The following HPS5 variants were observed in gnomAD, a reference collection of about 807,000 sequenced individuals.
HPS5 encodes the protein HPS5 biogenesis of lysosomal organelles complex 2 subunit 2.
Under a neutral mutation model 128.0 loss-of-function variants are expected in HPS5, and 83 were observed. That is an observed-to-expected ratio of 0.65 (90% CI 0.54 to 0.78). The LOEUF is 0.78. Ranked by LOEUF, HPS5 falls within the 30% of genes least tolerant of loss-of-function variation. HPS5 has a pLI of 0.00. For missense variants in HPS5, 1,281 were observed against 1,326.2 expected (o/e 0.97, Z 0.53); for synonymous variants, 475 against 470.2 (o/e 1.01, Z -0.13).
intron 2 of HPS5, among the ~76,000 whole-genome samples, chr11:18,317,486 C>T (rs1016059065): frequency 6.6e-6 from 1 of 152,044 alleles, no homozygotes; most frequent in Non-Finnish European, 1.5e-5. Flanking sequence ...GAACTCCTTG[C>T]CTCAAGTGAT....
At chr11:18,286,900 G>T in intron 18 of HPS5, 190 bp from the exon 19 acceptor site, 1 of 616,336 alleles carries the variant, frequency 1.6e-6, no homozygotes, top group Non-Finnish European at 2.7e-6. Context: ...AATGTCAAAG[G>T]GCCAAAAAAG....
chr11:18,315,695 C>G (rs1475942034), intron 2 of HPS5, among the ~76,000 whole-genome samples: 1 of 152,012 alleles, frequency 6.6e-6, no homozygotes, highest in African/African-American at 2.4e-5. Context: ...AACCCTTTCC[C>G]TAAGGATCTC....
intron 2 of HPS5, among the ~76,000 whole-genome samples, chr11:18,314,137 G>A (rs10832918): frequency 0.59 from 89,245 of 151,942 alleles, 26,531 homozygotes; most frequent in East Asian, 0.85. Flanking sequence ...ACTGCCTGAC[G>A]CCAGTTCAAG....
In HPS5 at chr11:18,291,555, T is replaced by C. The variant is rs200566461; in HGVS notation, c.2327A>G (p.Gln776Arg). The change falls in exon 16 of 23, where the codon CAG (glutamine) becomes CGG (arginine). Residue 776 changes from glutamine (Q) to arginine (R), a missense_variant. Gln to Arg is a conservative substitution (Grantham distance 43, BLOSUM62 1). Coordinates refer to ENST00000349215, the MANE Select transcript of HPS5 (RefSeq NM_181507.2). The part of the protein sequence containing the change: ...QQYSPEILAC[Q>R]FLKKYFFLLN... ...GAGAAAAAAGTACTTCTTCAGGAAC[T>C]GGCAAGCCAGAATTTCAGGAGAGTA... 4 of 1,611,206 alleles carry C rather than the reference T, an allele frequency of 2.5e-6. No homozygotes were observed. The Admixed American group carries it at 5.0e-5, about 20-fold the overall frequency.
At chr11:18,281,903 C>T (rs1859019961) in intron 22 of HPS5, 47 bp downstream of exon 22, 1 of 1,611,866 alleles carries the variant, frequency 6.2e-7, no homozygotes, top group Non-Finnish European at 8.5e-7. Context: ...CTGTGGCCTT[C>T]TACCTTCTCC....
At position 18,296,821 on chromosome 11, in the gene HPS5, C is replaced by G. The variant is rs1861128166; in HGVS notation, c.1487G>C (p.Cys496Ser). 6.2e-7 allele frequency: 1 copy of G among 1,614,038 alleles called. No individual in the cohort carries two copies. Among genetic ancestry groups the G allele is most frequent in the African/African-American group, 1.3e-5 (1 of 74,928 alleles). The change falls in exon 12 of 23, where the codon TGT becomes TCT. Residue 496 changes from cysteine (C) to serine (S), a missense_variant. By Grantham distance (112) the Cys-to-Ser change is moderately radical (BLOSUM62 -1). Transcript: ENST00000349215. ...ACCTTCATTTCCGTGTGAGCCACAA[C>G]ACTGATCTGGCAGGTCCTCTTCCTG... ...SQQEEDLPDQ[C>S]CGSHGNEDNV...
chr11:18,307,749 CA>C (rs982176691), intron 6 of HPS5, among the ~76,000 whole-genome samples: 3 of 149,158 alleles, frequency 2.0e-5, no homozygotes, highest in Non-Finnish European at 3.0e-5. Flanking sequence ...AACAAAGAAA[CA>C]AAAAAAACCA....
At chr11:18,305,389 T>TC (rs771161257) in intron 8 of HPS5, 33 bp downstream of exon 8, 103 of 1,372,324 alleles carry the variant, frequency 7.5e-5, no homozygotes, top group South Asian at 1.1e-4. Context: ...GTATTCTTTT[T>TC]CCCCCCCAGA....
chr11:18,291,601 C>T lies in HPS5; in HGVS notation c.2281G>A (p.Val761Met). 6.2e-7 allele frequency: 1 copy of T among 1,614,034 alleles called. No homozygotes were observed. Among genetic ancestry groups the T allele is most frequent in the Non-Finnish European group, 8.5e-7 (1 of 1,179,894 alleles). ...GAGTACTGTTGCAAAGTGTGGTCCACATGTCCACTGGTGCTTTTGATCTTA... is the reference window on the plus strand; with the variant it reads ...GAGTACTGTTGCAAAGTGTGGTCCATATGTCCACTGGTGCTTTTGATCTTA... ...NSKIKSTSGH[V>M]DHTLQQYSPE... The change falls in exon 16 of 23, where the codon GTG (valine) becomes ATG (methionine). Residue 761 changes from valine to methionine, a missense_variant. Transcript: ENST00000349215.
intron 1 of HPS5, among the ~76,000 whole-genome samples, chr11:18,318,919 A>G (rs1403357266): frequency 6.6e-6 from 1 of 152,114 alleles, no homozygotes; most frequent in Non-Finnish European, 1.5e-5. Context: ...TAACCCTCAT[A>G]GAGCATACTT....
At chr11:18,281,503 G>A (rs1051646645) in intron 22 of HPS5, among the ~76,000 whole-genome samples, 11 of 151,454 alleles carry the variant, frequency 7.3e-5, no homozygotes, top group African/African-American at 1.5e-4. Flanking sequence ...GAGTTCAAGC[G>A]ATTCTCCTGC....
chr11:18,295,198 T>C (rs370402431), intron 13 of HPS5, 29 bp from the exon 14 acceptor site: 55 of 1,604,768 alleles, frequency 3.4e-5, no homozygotes, highest in Non-Finnish European at 4.1e-5. Context: ...AAAACTAACA[T>C]GAATAAAAAC....
chr11:18,298,889 G>T lies in HPS5; in HGVS notation c.1067C>A (p.Ser356Tyr), dbSNP rs371346921. The T allele has an allele frequency of 5.2e-5, 84 of 1,613,996 alleles. No homozygotes were observed. Among genetic ancestry groups the T allele is most frequent in the Non-Finnish European group, 6.4e-5 (76 of 1,179,942 alleles). ...CAGGCGTTCCACACAGCGCTCCACAGATATCAGGGAGAGATGTGAGACTTT... is the reference window on the plus strand; with the variant it reads ...CAGGCGTTCCACACAGCGCTCCACATATATCAGGGAGAGATGTGAGACTTT... ...NGKVSHLSLI[S>Y]VERCVERLLR... Residue 356 changes from serine to tyrosine, a missense_variant, in exon 10 of 23, where the codon TCT (serine) becomes TAT (tyrosine). Ser to Tyr is a moderately radical substitution (Grantham distance 144). Coordinates refer to ENST00000349215, the MANE Select transcript of HPS5 (RefSeq NM_181507.2).
chr11:18,300,696 CAAAAAAAAAAA>C (rs531315010), intron 9 of HPS5, 121 bp downstream of exon 9: 4 of 387,510 alleles, frequency 1.0e-5, no homozygotes, highest in Admixed American at 4.4e-5. Flanking sequence ...GACTTAGTCT[CAAAAAAAAAAA>C]AAAAAAAAAA....
chr11:18,311,894 A>C lies in HPS5; in HGVS notation c.219+20T>G. ...AAAGAGACTCCAAATGGTGTATGAC[A>C]GAGCTGCCCTTAATCTTACCCTGTG... is the stretch of plus-strand genomic sequence containing the variant. On this transcript the variant is annotated intron_variant, in intron 3 of 22. Coordinates refer to ENST00000349215, the MANE Select transcript of HPS5 (RefSeq NM_181507.2). The C allele has an allele frequency of 3.3e-5, 48 of 1,440,632 alleles. No homozygotes were observed. The highest frequency in any genetic ancestry group is 4.2e-5 in the Non-Finnish European group (43 of 1,021,462). 89.2% of individuals were successfully genotyped at this position (1,440,632 alleles called of 1,614,324 possible). A position where few individuals can be genotyped will look rare whatever the true frequency, so the allele number is the denominator to read the frequency against.
At chr11:18,318,531 A>G (rs2133909317) in intron 1 of HPS5, among the ~76,000 whole-genome samples, 1 of 152,366 alleles carries the variant, frequency 6.6e-6, no homozygotes, top group Non-Finnish European at 1.5e-5. Flanking sequence ...CAGAATACGG[A>G]TAAGAATACA....
In HPS5 at chr11:18,311,897, G is replaced by C. The variant is rs371886845; in HGVS notation, c.219+17C>G. The C allele has an allele frequency of 1.4e-6, 2 of 1,473,370 alleles. No individual in the cohort carries two copies. Among genetic ancestry groups the C allele is most frequent in the African/African-American group, 1.4e-5 (1 of 72,100 alleles). 91.3% of individuals were successfully genotyped at this position (1,473,370 alleles called of 1,614,324 possible). On this transcript the variant is annotated intron_variant, in intron 3 of 22. Coordinates refer to ENST00000349215, the MANE Select transcript of HPS5 (RefSeq NM_181507.2). Reference sequence around the variant, plus strand: ...GAGACTCCAAATGGTGTATGACAGAGCTGCCCTTAATCTTACCCTGTGTGA... The same window carrying C: ...GAGACTCCAAATGGTGTATGACAGACCTGCCCTTAATCTTACCCTGTGTGA...
chr11:18,296,570 T>C, intron 12 of HPS5: 1 of 621,350 alleles, frequency 1.6e-6, no homozygotes, highest in Admixed American at 2.8e-5. Flanking sequence ...TGATGCATGA[T>C]CAAAAACAGG....
At chr11:18,313,214 TA>T (rs1405427835) in intron 2 of HPS5, among the ~76,000 whole-genome samples, 6 of 151,438 alleles carry the variant, frequency 4.0e-5, no homozygotes, top group African/African-American at 1.2e-4. Context: ...AACACATACT[TA>T]TTGAGGGAAA....
Sources: gnomAD v4.1 joint callset for allele counts (sites outside exome capture counted in the v4.1 genomes callset) on GRCh38, gnomAD v4.1.1 for gene constraint, MANE v1.5 for transcripts, NCBI Gene and HGNC (gene_info 2026-07-23, HGNC 2026-07-21) for gene names.